Variants in RASA1 observed in about 807,000 individuals in gnomAD.
RASA1 encodes the protein RAS p21 protein activator 1.
In RASA1, 25 loss-of-function variants were observed where a neutral mutation model predicts 132.2. The observed-to-expected ratio is 0.19, with a 90% confidence interval of 0.14 to 0.26. The LOEUF is 0.26. RASA1 is among the 10% of genes least tolerant of loss of function. RASA1 has a pLI of 1.00. For missense variants in RASA1, 964 were observed against 1,299.2 expected (o/e 0.74, Z 3.97); for synonymous variants, 477 against 449.9 (o/e 1.06, Z -0.76).
intron 1 of RASA1, among the ~76,000 whole-genome samples, chr5:87,288,072 A>G (rs1012673714): frequency 7.5e-6 from 1 of 133,612 alleles, no homozygotes; most frequent in African/African-American, 2.9e-5. Flanking sequence ...CACCATATAT[A>G]TACCATATAT....
intron 18 of RASA1, among the ~76,000 whole-genome samples, chr5:87,379,414 T>C (rs1761550517): frequency 6.6e-6 from 1 of 152,188 alleles, no homozygotes; most frequent in Non-Finnish European, 1.5e-5. Flanking sequence ...GCCTAAGGCA[T>C]TTGATATTTT....
intron 6 of RASA1, among the ~76,000 whole-genome samples, chr5:87,345,479 C>G (rs940769383): frequency 2.0e-5 from 3 of 152,058 alleles, no homozygotes; most frequent in Admixed American, 1.3e-4. Flanking sequence ...GTCATTTAGC[C>G]TATACTTGAA....
chr5:87,360,176 G>A (rs1759975184), intron 9 of RASA1, among the ~76,000 whole-genome samples: 1 of 148,458 alleles, frequency 6.7e-6, no homozygotes, highest in Non-Finnish European at 1.5e-5. Context: ...CTCAGGCTTG[G>A]AGTGGAATGG....
chr5:87,382,221 G>T (rs759858726), intron 20 of RASA1, among the ~76,000 whole-genome samples: 3 of 152,128 alleles, frequency 2.0e-5, no homozygotes, highest in Non-Finnish European at 4.4e-5. Context: ...CAAAGTGTTG[G>T]ATTACAGGCA....
At chr5:87,334,540 A>C (rs1757827808) in intron 4 of RASA1, among the ~76,000 whole-genome samples, 1 of 152,246 alleles carries the variant, frequency 6.6e-6, no homozygotes. Context: ...CCATGAGATC[A>C]GATTATTTTC....
chr5:87,271,554 C>T (rs1377248466), intron 1 of RASA1, among the ~76,000 whole-genome samples: 4 of 147,966 alleles, frequency 2.7e-5, no homozygotes, highest in Admixed American at 6.8e-5. Flanking sequence ...CTGCAAGCTC[C>T]GCCCCGCCCC....
chr5:87,306,814 A>G (rs909282736), intron 1 of RASA1, among the ~76,000 whole-genome samples: 1 of 151,648 alleles, frequency 6.6e-6, no homozygotes, highest in East Asian at 1.9e-4. Context: ...TCTATTCTCT[A>G]TTGCCTCCTT....
intron 1 of RASA1, among the ~76,000 whole-genome samples, chr5:87,304,492 G>T (rs1755518460): frequency 1.3e-5 from 2 of 148,294 alleles, no homozygotes; most frequent in South Asian, 2.1e-4. Context: ...TTTTGACATG[G>T]AGTCTCACTC....
chr5:87,351,251 T>C (rs998845661), intron 8 of RASA1, among the ~76,000 whole-genome samples: 1 of 151,714 alleles, frequency 6.6e-6, no homozygotes, highest in South Asian at 2.1e-4. Context: ...TTATCTACTT[T>C]GTGAAATATA....
intron 4 of RASA1, among the ~76,000 whole-genome samples, chr5:87,337,607 T>A (rs572908934): frequency 2.6e-5 from 4 of 152,238 alleles, no homozygotes; most frequent in African/African-American, 9.6e-5. Context: ...GTAATAACAT[T>A]GAAGCATAAG....
At chr5:87,282,512 A>G (rs1337664496) in intron 1 of RASA1, among the ~76,000 whole-genome samples, 2 of 152,110 alleles carry the variant, frequency 1.3e-5, no homozygotes, top group Non-Finnish European at 2.9e-5. Flanking sequence ...TTGTTTTCAG[A>G]AGTTTAGTGA....
At chr5:87,306,279 A>G (rs945132861) in intron 1 of RASA1, among the ~76,000 whole-genome samples, 7 of 152,240 alleles carry the variant, frequency 4.6e-5, no homozygotes, top group African/African-American at 1.7e-4. Context: ...ATGGAATACT[A>G]TGCAGCCATT....
At chr5:87,317,500 A>C (rs985878493) in intron 1 of RASA1, among the ~76,000 whole-genome samples, 2 of 151,700 alleles carry the variant, frequency 1.3e-5, no homozygotes, top group Non-Finnish European at 2.9e-5. Flanking sequence ...TCTACTTTTT[A>C]CTGTGAGGCA....
chr5:87,269,349 G>C (rs1383891058), intron 1 of RASA1: 10 of 1,509,878 alleles, frequency 6.6e-6, no homozygotes, highest in African/African-American at 1.4e-5. Context: ...ATATTAACTT[G>C]TGTGTGTTAC....
chr5:87,337,971 C>T lies in RASA1; in HGVS notation c.900-3C>T. The stretch of plus-strand genomic sequence containing the variant: ...TTAATAACTTTAAAATTGCTATTTT[C>T]AGTTTCTTAAAAGGAGATATGTTCA... On this transcript the variant is annotated splice_polypyrimidine_tract_variant and splice_region_variant and intron_variant, in intron 4 of 24. Coordinates refer to ENST00000274376, the MANE Select transcript of RASA1 (RefSeq NM_002890.3). The T allele has an allele frequency of 1.2e-6, 2 of 1,602,946 alleles. No individual in the cohort carries two copies. Among genetic ancestry groups the T allele is most frequent in the Non-Finnish European group, 1.7e-6 (2 of 1,175,938 alleles).
chr5:87,303,699 T>C (rs1168498680), intron 1 of RASA1, among the ~76,000 whole-genome samples: 1 of 152,022 alleles, frequency 6.6e-6, no homozygotes, highest in Non-Finnish European at 1.5e-5. Flanking sequence ...TGGTTTCAGA[T>C]TAATGTTCTA....
At chr5:87,277,672 C>T (rs1426720894) in intron 1 of RASA1, among the ~76,000 whole-genome samples, 1 of 152,120 alleles carries the variant, frequency 6.6e-6, no homozygotes, top group African/African-American at 2.4e-5. Context: ...CTGACTAATA[C>T]ATGGGTAACT....
chr5:87,297,873 A>G (rs1454096716), intron 1 of RASA1, among the ~76,000 whole-genome samples: 1 of 152,060 alleles, frequency 6.6e-6, no homozygotes, highest in Non-Finnish European at 1.5e-5. Flanking sequence ...GCAATTTGTC[A>G]TTATAGTTGA....
At chr5:87,383,372 A>G (rs926284970) in intron 20 of RASA1, among the ~76,000 whole-genome samples, 1 of 152,180 alleles carries the variant, frequency 6.6e-6, no homozygotes, top group Non-Finnish European at 1.5e-5. Context: ...TGAGGATACT[A>G]CTTTCTCTAA....
Sources: allele counts gnomAD v4.1 joint callset (sites outside exome capture counted in the v4.1 genomes callset), GRCh38; gene constraint gnomAD v4.1.1; transcripts MANE v1.5; gene names NCBI Gene and HGNC (gene_info 2026-07-23, HGNC 2026-07-21).